The following ZNF487 variants were observed in gnomAD, a reference collection of about 807,000 sequenced individuals.
ZNF487 encodes KRAB domain only 1.
Under a neutral mutation model 3.0 loss-of-function variants are expected in ZNF487, and 4 were observed. The ratio of observed to expected loss-of-function variants is 1.35; its 90% CI spans 0.66 to 3.08. The LOEUF (loss-of-function observed/expected upper bound fraction) is 3.08, where lower values mean the gene tolerates loss of function less well. Among genes scored for constraint, ZNF487 ranks in the 30% most tolerant of loss-of-function variants. The probability of loss-of-function intolerance (pLI) is 0.01; values close to 1 mark genes in which losing one functional copy is unlikely to be tolerated. For synonymous variants in ZNF487, 55 were observed against 34.6 expected (o/e 1.59, Z -2.06); for missense variants, 146 against 98.7 (o/e 1.48, Z -2.03).
chr10:43,451,456 G>A lies in ZNF487; in HGVS notation c.-94+14194G>A, dbSNP rs189188434. Among the ~76,000 whole-genome samples, 721 of 150,964 alleles carry A rather than the reference G, an allele frequency of 4.8e-3. 7 individuals are homozygous for A. The highest frequency in any genetic ancestry group is 0.017 in the African/African-American group (696 of 41,064). On this transcript the variant is annotated intron_variant, in intron 1 of 3. Coordinates refer to ENST00000437590, the MANE Select transcript of ZNF487 (RefSeq NM_001355444.3). ...GACGGGGTTTCACCATGTTGGTCAG[G>A]CTGGTCTCGAAGTCCTGATCTCAGG... is the stretch of plus-strand genomic sequence containing the variant.
intron 3 of ZNF487, among the ~76,000 whole-genome samples, chr10:43,480,011 CT>C (rs1191824657): frequency 2.8e-5 from 2 of 70,446 alleles, no homozygotes; most frequent in South Asian, 9.4e-4. Context: ...TTCTTTCTTT[CT>C]TTCTTTCTTT....
chr10:43,498,100 T>TATATATATATA, the ZNF487 span, among the ~76,000 whole-genome samples: 101 of 9,340 alleles, frequency 0.011, 1 homozygote, highest in East Asian at 0.024. Context: ...TATATATATA[T>TATATATATATA]TTTTTTTTTT....
chr10:43,480,084 CTTT>C (rs1841292368), intron 3 of ZNF487, among the ~76,000 whole-genome samples: 1 of 139,720 alleles, frequency 7.2e-6, no homozygotes, highest in Non-Finnish European at 1.5e-5. Flanking sequence ...TTCCTTCCTT[CTTT>C]CTTTTCTTTT....
At chr10:43,439,090 A>C (rs1214323214) in intron 1 of ZNF487, among the ~76,000 whole-genome samples, 24 of 151,870 alleles carry the variant, frequency 1.6e-4, no homozygotes, top group Admixed American at 1.5e-3. Flanking sequence ...AAGTACAAAA[A>C]TATTAGCCGG....
At chr10:43,501,947 G>A in the ZNF487 span, among the ~76,000 whole-genome samples, 1 of 152,070 alleles carries the variant, frequency 6.6e-6, no homozygotes, top group Non-Finnish European at 1.5e-5. Flanking sequence ...AAACATTGTT[G>A]AAAGAAACTA....
chr10:43,470,064 A>T (rs1257910799), intron 1 of ZNF487, among the ~76,000 whole-genome samples: 3 of 152,200 alleles, frequency 2.0e-5, no homozygotes, highest in African/African-American at 4.8e-5. Flanking sequence ...GGAAACCAAC[A>T]TACTCGCATG....
At chr10:43,456,479 G>A (rs1840207802) in intron 1 of ZNF487, among the ~76,000 whole-genome samples, 1 of 152,196 alleles carries the variant, frequency 6.6e-6, no homozygotes, top group Non-Finnish European at 1.5e-5. Flanking sequence ...GGTGAGCTGG[G>A]CCTAAGGCTA....
At chr10:43,485,964 A>G (rs951162779), downstream of ZNF487, among the ~76,000 whole-genome samples, 3 of 152,200 alleles carry the variant, frequency 2.0e-5, no homozygotes, top group African/African-American at 7.2e-5. Flanking sequence ...TTGTGCCTGT[A>G]ATTCTATTTC....
At chr10:43,460,785 C>T (rs1840404350) in intron 1 of ZNF487, among the ~76,000 whole-genome samples, 1 of 151,846 alleles carries the variant, frequency 6.6e-6, no homozygotes, top group Non-Finnish European at 1.5e-5. Flanking sequence ...CTTTGCCTCC[C>T]GAGTTCAAGC....
intron 1 of ZNF487, among the ~76,000 whole-genome samples, chr10:43,444,520 G>A (rs1839732590): frequency 6.6e-6 from 1 of 152,064 alleles, no homozygotes; most frequent in Non-Finnish European, 1.5e-5. Context: ...GCTTTCCTTT[G>A]TTTAGGTTTC....
At position 43,461,616 on chromosome 10, in the gene ZNF487, C is replaced by T. The variant is rs77229442; in HGVS notation, c.-93-14105C>T. Among the ~76,000 whole-genome samples the T allele has an allele frequency of 6.1e-3, 935 of 152,220 alleles. 9 individuals carry two copies. The highest frequency in any genetic ancestry group is 0.018 in the African/African-American group (742 of 41,530). On this transcript the variant is annotated intron_variant, in intron 1 of 3. Transcript: ENST00000437590. ...GATTACAGGTATGAGCCACTGCCCC[C>T]GGCCTTTGTTAGGTTTATATCAATT...
chr10:43,480,563 A>ACC (rs1219277579), intron 3 of ZNF487, among the ~76,000 whole-genome samples: 4 of 150,778 alleles, frequency 2.7e-5, no homozygotes, highest in African/African-American at 9.8e-5. Flanking sequence ...TTACAGATGC[A>ACC]CACCACCACA....
At chr10:43,518,541 C>T in the ZNF487 span, among the ~76,000 whole-genome samples, 1 of 152,102 alleles carries the variant, frequency 6.6e-6, no homozygotes, top group African/African-American at 2.4e-5. Context: ...CTTTTGATGA[C>T]CATCTTGCCA....
chr10:43,503,467 T>C, the ZNF487 span, among the ~76,000 whole-genome samples: 1 of 152,152 alleles, frequency 6.6e-6, no homozygotes, highest in Non-Finnish European at 1.5e-5. Flanking sequence ...AAGTGTACAA[T>C]GTTTATAAAG....
the ZNF487 span, among the ~76,000 whole-genome samples, chr10:43,493,695 GA>G: frequency 2.6e-3 from 107 of 41,272 alleles, 1 homozygote; most frequent in South Asian, 0.01. Flanking sequence ...CTCAAAAAAA[GA>G]AAAAAAAAAA....
At chr10:43,485,753 T>TGTGGCTA (rs1841465141), downstream of ZNF487, among the ~76,000 whole-genome samples, 1 of 152,266 alleles carries the variant, frequency 6.6e-6, no homozygotes, top group African/African-American at 2.4e-5. Flanking sequence ...AGTTGCCACA[T>TGTGGCTA]GTGGCTAGTG....
chr10:43,494,765 CAAAA>C, the ZNF487 span, among the ~76,000 whole-genome samples: 5 of 35,776 alleles, frequency 1.4e-4, no homozygotes, highest in South Asian at 1.2e-3. Context: ...ACTAAAAATA[CAAAA>C]AAAAAAAAAA....
At chr10:43,455,468 C>A (rs1218293440) in intron 1 of ZNF487, among the ~76,000 whole-genome samples, 1 of 152,270 alleles carries the variant, frequency 6.6e-6, no homozygotes, top group Non-Finnish European at 1.5e-5. Flanking sequence ...GGTTCGCTCG[C>A]CTTTCCATGC....
intron 1 of ZNF487, among the ~76,000 whole-genome samples, chr10:43,468,598 G>A (rs764890491): frequency 1.4e-5 from 2 of 144,756 alleles, no homozygotes; most frequent in Non-Finnish European, 3.0e-5. Flanking sequence ...ATAATTGCTT[G>A]AACCTGGGAG....
Sources: gnomAD v4.1 joint callset for allele counts (sites outside exome capture counted in the v4.1 genomes callset) on GRCh38, gnomAD v4.1.1 for gene constraint, MANE v1.5 for transcripts, NCBI Gene and HGNC (gene_info 2026-07-23, HGNC 2026-07-21) for gene names.